Variants in CCDC60 observed in about 807,000 individuals in gnomAD.
CCDC60 encodes coiled-coil domain-containing protein 60.
In CCDC60, 54 loss-of-function variants were observed where a neutral mutation model predicts 63.5. That is an observed-to-expected ratio of 0.85 (90% CI 0.68 to 1.07). The LOEUF is 1.07. CCDC60 is among the 50% of genes least tolerant of loss of function. CCDC60 has a pLI of 0.00. For synonymous variants in CCDC60, 206 were observed against 238.8 expected (o/e 0.86, Z 1.27); for missense variants, 651 against 684.3 (o/e 0.95, Z 0.54).
At chr12:119,371,762 C>A (rs543068027) in intron 1 of CCDC60, among the ~76,000 whole-genome samples, 2 of 152,176 alleles carry the variant, frequency 1.3e-5, no homozygotes, top group African/African-American at 4.8e-5. Flanking sequence ...CTTCAAGAAA[C>A]AAACCAGCTT....
chr12:119,365,188 C>T (rs1955828919), intron 1 of CCDC60, among the ~76,000 whole-genome samples: 1 of 152,174 alleles, frequency 6.6e-6, no homozygotes, highest in Non-Finnish European at 1.5e-5. Flanking sequence ...TCGAACCCAG[C>T]TCTATCTGGC....
At chr12:119,369,336 G>C (rs1469433910) in intron 1 of CCDC60, among the ~76,000 whole-genome samples, 1 of 152,216 alleles carries the variant, frequency 6.6e-6, no homozygotes, top group African/African-American at 2.4e-5. Context: ...AGAAAAGGGT[G>C]AACACTGCAA....
chr12:119,525,284 T>C (rs1952652508), intron 11 of CCDC60, among the ~76,000 whole-genome samples: 1 of 152,140 alleles, frequency 6.6e-6, no homozygotes, highest in Non-Finnish European at 1.5e-5. Context: ...AATAGTCAAA[T>C]TCAGGAAATA....
At chr12:119,530,223 CA>C (rs1287860169) in intron 12 of CCDC60, among the ~76,000 whole-genome samples, 2 of 149,644 alleles carry the variant, frequency 1.3e-5, no homozygotes, top group African/African-American at 4.9e-5. Flanking sequence ...GTTACATCTT[CA>C]AAATTTTCCA....
intron 7 of CCDC60, among the ~76,000 whole-genome samples, chr12:119,515,596 T>C (rs1411230939): frequency 6.6e-6 from 1 of 152,116 alleles, no homozygotes; most frequent in South Asian, 2.1e-4. Flanking sequence ...CCCAAAGTGC[T>C]GAGATTATAG....
intron 1 of CCDC60, among the ~76,000 whole-genome samples, chr12:119,411,975 G>A (rs924968927): frequency 6.6e-6 from 1 of 152,094 alleles, no homozygotes; most frequent in Non-Finnish European, 1.5e-5. Context: ...CTGAGGAAAG[G>A]ATGGCCCCTT....
intron 8 of CCDC60, among the ~76,000 whole-genome samples, chr12:119,518,125 T>C (rs1318350012): frequency 6.6e-6 from 1 of 152,130 alleles, no homozygotes; most frequent in Non-Finnish European, 1.5e-5. Flanking sequence ...TCAACTCTCA[T>C]TGGGGCTGCT....
intron 7 of CCDC60, among the ~76,000 whole-genome samples, chr12:119,512,498 T>C (rs149112703): frequency 1.8e-4 from 28 of 152,278 alleles, no homozygotes; most frequent in Admixed American, 2.6e-4. Context: ...AATGCTGTGA[T>C]GGGGGTCAGA....
At chr12:119,362,441 C>CATTAACCCAAT in intron 1 of CCDC60, among the ~76,000 whole-genome samples, 1 of 152,294 alleles carries the variant, frequency 6.6e-6, no homozygotes, top group African/African-American at 2.4e-5. Context: ...ACACCCACCA[C>CATTAACCCAAT]AGATGTAACC....
At chr12:119,436,013 AGAAT>A (rs1950317522) in intron 2 of CCDC60, among the ~76,000 whole-genome samples, 1 of 152,254 alleles carries the variant, frequency 6.6e-6, no homozygotes, top group African/African-American at 2.4e-5. Flanking sequence ...GTCCTAAGAA[AGAAT>A]GAAAGTATGT....
intron 6 of CCDC60, among the ~76,000 whole-genome samples, chr12:119,503,199 T>C (rs950055277): frequency 6.6e-6 from 1 of 152,072 alleles, no homozygotes; most frequent in Non-Finnish European, 1.5e-5. Context: ...ATAAAAAAAT[T>C]ACGTTGATCT....
intron 7 of CCDC60, among the ~76,000 whole-genome samples, chr12:119,510,373 A>G (rs974939243): frequency 2.0e-5 from 3 of 152,118 alleles, no homozygotes; most frequent in African/African-American, 7.2e-5. Context: ...ATGCCTGTTC[A>G]TGCTTGACCC....
At chr12:119,501,223 A>G (rs1951843171) in intron 6 of CCDC60, among the ~76,000 whole-genome samples, 3 of 152,236 alleles carry the variant, frequency 2.0e-5, no homozygotes, top group Non-Finnish European at 4.4e-5. Flanking sequence ...GCTTAGCATT[A>G]CTGTGGTTAT....
rs551360938 is a variant in CCDC60, at chr12:119,340,522, G to A, written c.90+5256G>A. ...CCTGACGGTCTCCATCCTTCCTGCCGCCCCACCCCCTGCCCCCCACCACCA... is the reference window on the plus strand; with the variant it reads ...CCTGACGGTCTCCATCCTTCCTGCCACCCCACCCCCTGCCCCCCACCACCA... On this transcript the variant is annotated intron_variant, in intron 1 of 13. Coordinates refer to ENST00000327554, the MANE Select transcript of CCDC60 (RefSeq NM_178499.5). Among the ~76,000 whole-genome samples, 127 of 151,472 alleles carry A rather than the reference G, an allele frequency of 8.4e-4. 1 individual carries two copies. The highest frequency in any genetic ancestry group is 2.9e-3 in the African/African-American group (120 of 41,350).
intron 1 of CCDC60, among the ~76,000 whole-genome samples, chr12:119,352,666 G>A (rs1372091454): frequency 6.6e-6 from 1 of 152,136 alleles, no homozygotes; most frequent in Non-Finnish European, 1.5e-5. Flanking sequence ...GTCAGACATG[G>A]TGGCTCATGC....
In CCDC60 at chr12:119,335,017, A is replaced by G; in HGVS notation, c.-160A>G. Reference sequence around the variant, plus strand: ...CTGTGGGAGACCCAGGTGCTTTCTCATTACTCTTCAGAAGGAAACCGCTTT... The same window carrying G: ...CTGTGGGAGACCCAGGTGCTTTCTCGTTACTCTTCAGAAGGAAACCGCTTT... On this transcript the variant is annotated 5_prime_UTR_variant, in exon 1 of 14. Transcript: ENST00000327554. The G allele has an allele frequency of 1.8e-6, 1 of 569,032 alleles. No homozygotes were observed. Among genetic ancestry groups the G allele is most frequent in the East Asian group, 3.0e-5 (1 of 33,428 alleles). The allele number at this position is 569,032 out of a possible 1,614,324, so 35.2% of individuals were successfully genotyped here.
intron 1 of CCDC60, among the ~76,000 whole-genome samples, chr12:119,366,829 C>G (rs138445819): frequency 5.9e-5 from 9 of 152,044 alleles, no homozygotes; most frequent in African/African-American, 2.2e-4. Flanking sequence ...ACAGAAAACC[C>G]TTAGGGTTTG....
In CCDC60 at chr12:119,461,356, G is replaced by C. The variant is rs73219405; in HGVS notation, c.171-10638G>C. Among the ~76,000 whole-genome samples, 4 of 152,270 alleles carry C rather than the reference G, an allele frequency of 2.6e-5. 1 individual carries two copies. Among genetic ancestry groups the C allele is most frequent in the Non-Finnish European group, 5.9e-5 (4 of 68,016 alleles). On this transcript the variant is annotated intron_variant, in intron 2 of 13. Transcript: ENST00000327554. ...ACCACCCTAAGGGAATGAAAAAGTA[G>C]AGTCCAGCCAGAGGCAATCCCCTCT...
chr12:119,464,869 C>A (rs1270273401), intron 2 of CCDC60, among the ~76,000 whole-genome samples: 2 of 152,212 alleles, frequency 1.3e-5, no homozygotes, highest in African/African-American at 4.8e-5. Context: ...CTGCAGCCTA[C>A]TGGATCCTGA....
Sources: allele counts gnomAD v4.1 joint callset (sites outside exome capture counted in the v4.1 genomes callset), GRCh38; gene constraint gnomAD v4.1.1; transcripts MANE v1.5; gene names NCBI Gene and HGNC (gene_info 2026-07-23, HGNC 2026-07-21).